Variants in PAPOLG observed in about 807,000 individuals in gnomAD.
The protein encoded by PAPOLG is PAP-gamma.
PAPOLG carries 40 observed loss-of-function variants against 99.0 expected under a neutral mutation model. The observed-to-expected ratio is 0.40, with a 90% CI of 0.31 to 0.53. The LOEUF is 0.53. Among genes scored for constraint, PAPOLG ranks in the 20% least tolerant of loss-of-function variants. The pLI, the probability that PAPOLG is intolerant of heterozygous loss-of-function variation, is 0.41. For missense variants in PAPOLG, 675 were observed against 884.1 expected (o/e 0.76, Z 3.00); for synonymous variants, 310 against 299.3 (o/e 1.04, Z -0.37).
chr2:60,758,228 T>C (rs1670408098), intron 1 of PAPOLG, among the ~76,000 whole-genome samples: 1 of 152,070 alleles, frequency 6.6e-6, no homozygotes, highest in African/African-American at 2.4e-5. Flanking sequence ...AGCCAAATCT[T>C]TAAAAAGAAA....
chr2:60,789,983 A>G (rs944234765), intron 15 of PAPOLG, among the ~76,000 whole-genome samples: 2 of 152,320 alleles, frequency 1.3e-5, no homozygotes, highest in South Asian at 2.1e-4. Context: ...AATCCCAGCT[A>G]TTCCAGAGGC....
At chr2:60,783,240 C>T in intron 13 of PAPOLG, 31 bp downstream of exon 13, 1 of 1,390,896 alleles carries the variant, frequency 7.2e-7, no homozygotes, top group Non-Finnish European at 9.9e-7. Context: ...TTTCTACCTA[C>T]TGTGTGGTGA....
At chr2:60,795,862 G>A (rs577274578) in intron 21 of PAPOLG, among the ~76,000 whole-genome samples, 3 of 151,986 alleles carry the variant, frequency 2.0e-5, no homozygotes, top group East Asian at 1.9e-4. Flanking sequence ...AAATATGAAC[G>A]TATAATTATG....
intron 15 of PAPOLG, 150 bp downstream of exon 15, chr2:60,787,770 A>G: frequency 8.9e-7 from 1 of 1,117,812 alleles, no homozygotes; most frequent in Non-Finnish European, 1.3e-6. Context: ...ACAGGAAAGG[A>G]GCCGGGTGCG....
At position 60,794,073 on chromosome 2, in the gene PAPOLG, C is replaced by G; in HGVS notation, c.1871C>G (p.Pro624Arg). The change falls in exon 19 of 22, where the codon CCT becomes CGT. Residue 624 changes from proline (P) to arginine (R), a missense_variant. By Grantham distance (103) the Pro-to-Arg change is moderately radical. Transcript: ENST00000238714. ...VIPRITTPHN[P>R]AQGQPHLNGM... Reference sequence around the variant, plus strand: ...CCTAGAATCACAACACCTCACAACCCTGCCCAGGGACAACCGCATCTGAAT... The same window carrying G: ...CCTAGAATCACAACACCTCACAACCGTGCCCAGGGACAACCGCATCTGAAT... The G allele has an allele frequency of 4.3e-6, 7 of 1,614,118 alleles. No homozygotes were observed. The highest frequency in any genetic ancestry group is 5.9e-6 in the Non-Finnish European group (7 of 1,179,996).
In PAPOLG at chr2:60,787,047, A is replaced by C; in HGVS notation, c.1267A>C (p.Asn423His). 1 of 1,608,088 alleles carries C rather than the reference A, an allele frequency of 6.2e-7. No homozygotes were observed. The highest frequency in any genetic ancestry group is 8.5e-7 in the Non-Finnish European group (1 of 1,176,910). ...TGTGAATCCCCAGTCATTCCCAGGG[A>C]ATAAGGAACATCATAAAGAGTAAGT... ...AHVNPQSFPG[N>H]KEHHKDNNYV... The change falls in exon 14 of 22, where the codon AAT becomes CAT. Residue 423 changes from asparagine to histidine, a missense_variant. Transcript: ENST00000238714.
chr2:60,788,402 A>C (rs1362537643), intron 15 of PAPOLG, among the ~76,000 whole-genome samples: 1 of 151,956 alleles, frequency 6.6e-6, no homozygotes, highest in Non-Finnish European at 1.5e-5. Context: ...GCTCACTGCA[A>C]CCTCCACCTC....
rs186458508 is a variant in PAPOLG, at chr2:60,779,120, A to G, written c.695-517A>G. Among the ~76,000 whole-genome samples the G allele has an allele frequency of 1.1e-4, 17 of 152,210 alleles. 1 individual carries two copies. The East Asian group carries it at 2.5e-3, about 22-fold the overall frequency. Reference sequence around the variant, plus strand: ...AGAAAAAAAAAAATAGAAATGAATGATATCAGTGGTGTATTCTACTTTATG... The same window carrying G: ...AGAAAAAAAAAAATAGAAATGAATGGTATCAGTGGTGTATTCTACTTTATG... On this transcript the variant is annotated intron_variant, in intron 8 of 21. Coordinates refer to ENST00000238714, the MANE Select transcript of PAPOLG (RefSeq NM_022894.4).
chr2:60,786,519 C>G (rs1245886578), intron 13 of PAPOLG, among the ~76,000 whole-genome samples: 1 of 151,504 alleles, frequency 6.6e-6, no homozygotes. Flanking sequence ...GCATGAGCCA[C>G]TGCACCTGGC....
chr2:60,768,697 T>C (rs1206284356), intron 4 of PAPOLG, 84 bp from the exon 5 acceptor site: 3 of 1,371,158 alleles, frequency 2.2e-6, no homozygotes, highest in South Asian at 2.8e-5. Flanking sequence ...TTCCATACTT[T>C]CTTCTGTACA....
chr2:60,771,772 A>T, intron 7 of PAPOLG, 142 bp downstream of exon 7: 2 of 885,790 alleles, frequency 2.3e-6, no homozygotes, highest in Non-Finnish European at 3.3e-6. Flanking sequence ...ATGTGACCAC[A>T]TTTAAGAATC....
chr2:60,760,416 T>C (rs113088887), intron 2 of PAPOLG, 121 bp downstream of exon 2: 1 of 895,890 alleles, frequency 1.1e-6, no homozygotes, highest in African/African-American at 1.7e-5. Flanking sequence ...AAGAAAAATC[T>C]TGGCCCTCTT....
chr2:60,765,406 G>T (rs868420972), intron 3 of PAPOLG, among the ~76,000 whole-genome samples: 3,492 of 80,238 alleles, frequency 0.044, 61 homozygotes, highest in African/African-American at 0.12. Context: ...TTTTTTTTTT[G>T]ATTTTAAAAA....
chr2:60,784,223 G>T (rs1671289752), intron 13 of PAPOLG, among the ~76,000 whole-genome samples: 1 of 152,122 alleles, frequency 6.6e-6, no homozygotes, highest in East Asian at 1.9e-4. Flanking sequence ...CACCCGCCTT[G>T]GCCTCCCAAA....
At position 60,798,885 on chromosome 2, in the gene PAPOLG, A is replaced by T. The variant is rs764681775; in HGVS notation, c.*1725A>T. 1 of 152,378 alleles carries T rather than the reference A, an allele frequency of 6.6e-6. No homozygotes were observed. 9.4% of individuals were successfully genotyped at this position (152,378 alleles called of 1,614,324 possible). A position where few individuals can be genotyped will look rare whatever the true frequency, so the allele number is the denominator to read the frequency against. On this transcript the variant is annotated 3_prime_UTR_variant, in exon 22 of 22. Transcript: ENST00000238714. ...AGAGTCTTAGAAGTAAAGAACAACA[A>T]GGAAAAAAATGTTTGTTCTATTATT...
intron 12 of PAPOLG, 134 bp downstream of exon 12, chr2:60,782,904 A>G (rs1671237355): frequency 1.7e-6 from 2 of 1,162,216 alleles, no homozygotes; most frequent in Non-Finnish European, 2.3e-6. Flanking sequence ...CAAAAATCCT[A>G]AGAGATAAGA....
At position 60,795,026 on chromosome 2, in the gene PAPOLG, AAGAT is replaced by A; in HGVS notation, c.2112+9_2112+12del. ...TTGATACATCACGCAAAAAGGTAAC[AAGAT>A]AGTCTTGTTCATAGGTACAGTACAT... On this transcript the variant is annotated splice_region_variant and intron_variant, in intron 21 of 21. Coordinates refer to ENST00000238714, the MANE Select transcript of PAPOLG (RefSeq NM_022894.4). The A allele has an allele frequency of 6.2e-7, 1 of 1,606,792 alleles. No homozygotes were observed. The highest frequency in any genetic ancestry group is 1.7e-5 in the Admixed American group (1 of 59,846).
At chr2:60,772,096 G>A (rs1670870176) in intron 7 of PAPOLG, among the ~76,000 whole-genome samples, 1 of 151,706 alleles carries the variant, frequency 6.6e-6, no homozygotes, top group South Asian at 2.1e-4. Context: ...AAGACAGCTA[G>A]ATTCTCATTT....
rs1311614323 is a variant in PAPOLG at position 60,800,392 on chromosome 2, A to G, written c.*3232A>G. ...GAAATGGGATTTCACCATGTTGGCC[A>G]GGGTGGTCTTGAACTCCTCACCTCA... On this transcript the variant is annotated 3_prime_UTR_variant, in exon 22 of 22. Transcript: ENST00000238714. The G allele has an allele frequency of 6.6e-6, 1 of 152,272 alleles. No individual in the cohort carries two copies. Among genetic ancestry groups the G allele is most frequent in the South Asian group, 2.1e-4 (1 of 4,834 alleles). 9.4% of individuals were successfully genotyped at this position (152,272 alleles called of 1,614,324 possible).
Sources: gnomAD v4.1 joint callset for allele counts (sites outside exome capture counted in the v4.1 genomes callset) on GRCh38, gnomAD v4.1.1 for gene constraint, MANE v1.5 for transcripts, NCBI Gene and HGNC (gene_info 2026-07-23, HGNC 2026-07-21) for gene names.